The following SIPA1L3 variants were observed in gnomAD, a reference collection of about 807,000 sequenced individuals.
SIPA1L3 encodes signal induced proliferation associated 1 like 3.
In SIPA1L3, 59 loss-of-function variants were observed where a neutral mutation model predicts 150.1. That is an observed-to-expected ratio of 0.39 (90% CI 0.32 to 0.49). SIPA1L3 has a LOEUF of 0.49. Among genes scored for constraint, SIPA1L3 ranks in the 20% least tolerant of loss-of-function variants. The pLI is 0.86. For synonymous variants in SIPA1L3, 1,070 were observed against 1,077.6 expected (o/e 0.99, Z 0.14); for missense variants, 2,211 against 2,489.5 (o/e 0.89, Z 2.38).
At chr19:37,933,837 G>A (rs888968051) in intron 1 of SIPA1L3, among the ~76,000 whole-genome samples, 1 of 152,240 alleles carries the variant, frequency 6.6e-6, no homozygotes, top group African/African-American at 2.4e-5. Flanking sequence ...GAACAGGAAA[G>A]CTTGGCCTAG....
chr19:38,053,845 C>T (rs1254370547), intron 2 of SIPA1L3, among the ~76,000 whole-genome samples: 5 of 151,426 alleles, frequency 3.3e-5, no homozygotes, highest in African/African-American at 7.3e-5. Flanking sequence ...GGATTACAGG[C>T]GTGAGCCGCC....
chr19:38,022,963 A>AC (rs1305485782), intron 1 of SIPA1L3, among the ~76,000 whole-genome samples: 2 of 151,808 alleles, frequency 1.3e-5, no homozygotes, highest in Non-Finnish European at 2.9e-5. Flanking sequence ...TCCCATTTCC[A>AC]CCCCCACCCG....
chr19:38,182,625 G>A lies in SIPA1L3; in HGVS notation c.4315G>A (p.Ala1439Thr), dbSNP rs760062765. 20 of 1,614,018 alleles carry A rather than the reference G, an allele frequency of 1.2e-5. No homozygotes were observed. The highest frequency in any genetic ancestry group is 1.7e-4 in the Middle Eastern group (1 of 6,060). The stretch of plus-strand genomic sequence containing the variant: ...CCAGCCCAGCCCCTTTCAGCTCTCC[G>A]CCTCCGTCCCCAAGTCCTTCTTCTC... Reference protein sequence around the residue: ...LAQPSPFQLSASVPKSFFSKQ... With the variant: ...LAQPSPFQLSTSVPKSFFSKQ... The change falls in exon 16 of 22, where the codon GCC becomes ACC. Residue 1439 changes from alanine to threonine, a missense_variant. Physicochemically the swap from Ala to Thr is moderately conservative, Grantham distance 58. Transcript: ENST00000222345.
At chr19:38,176,538 A>G (rs1238951363) in intron 15 of SIPA1L3, among the ~76,000 whole-genome samples, 1 of 152,090 alleles carries the variant, frequency 6.6e-6, no homozygotes, top group Non-Finnish European at 1.5e-5. Flanking sequence ...CTGGGACTAC[A>G]GGCATATGCC....
intron 9 of SIPA1L3, among the ~76,000 whole-genome samples, chr19:38,121,894 C>T (rs1368763559): frequency 5.3e-5 from 8 of 151,150 alleles, no homozygotes; most frequent in African/African-American, 1.7e-4. Context: ...ACTCGAACCT[C>T]GGCAACAGAG....
At chr19:38,120,553 G>A (rs778002803) in intron 9 of SIPA1L3, among the ~76,000 whole-genome samples, 2 of 152,190 alleles carry the variant, frequency 1.3e-5, no homozygotes, top group Non-Finnish European at 2.9e-5. Context: ...ACCATTAATG[G>A]ATAGGGCAGA....
chr19:38,143,725 G>A (rs1971645439), intron 12 of SIPA1L3, among the ~76,000 whole-genome samples: 2 of 151,926 alleles, frequency 1.3e-5, no homozygotes, highest in South Asian at 4.2e-4. Flanking sequence ...TTTTAGTAGA[G>A]ACGGATTTTC....
intron 2 of SIPA1L3, among the ~76,000 whole-genome samples, chr19:38,075,492 C>T (rs1328590058): frequency 6.7e-6 from 1 of 149,896 alleles, no homozygotes; most frequent in African/African-American, 2.5e-5. Context: ...TTGAAAAGAA[C>T]TTGCAGGGGT....
chr19:38,154,763 ATT>A (rs372517508), intron 13 of SIPA1L3, among the ~76,000 whole-genome samples: 12 of 129,682 alleles, frequency 9.3e-5, no homozygotes, highest in Non-Finnish European at 1.0e-4. Context: ...TTTATTATTC[ATT>A]TTTTTTTTTT....
At chr19:38,156,351 G>T (rs1013595278) in intron 13 of SIPA1L3, among the ~76,000 whole-genome samples, 3 of 151,432 alleles carry the variant, frequency 2.0e-5, no homozygotes, top group African/African-American at 7.3e-5. Context: ...TGGGGAGGAA[G>T]TGTTTCCTGC....
At chr19:38,153,122 T>TA (rs1971865545) in intron 13 of SIPA1L3, among the ~76,000 whole-genome samples, 155 bp downstream of exon 13, 1 of 152,196 alleles carries the variant, frequency 6.6e-6, no homozygotes, top group South Asian at 2.1e-4. Flanking sequence ...AGAGGGCACC[T>TA]AGGAGAGCAG....
chr19:38,069,724 G>A (rs929860148), intron 2 of SIPA1L3, among the ~76,000 whole-genome samples: 5 of 151,904 alleles, frequency 3.3e-5, no homozygotes, highest in Non-Finnish European at 5.9e-5. Context: ...GAGTGCAGTG[G>A]TGCGATCTCG....
chr19:38,036,922 G>A (rs1319747945), intron 2 of SIPA1L3, among the ~76,000 whole-genome samples: 1 of 152,224 alleles, frequency 6.6e-6, no homozygotes, highest in South Asian at 2.1e-4. Context: ...CTTAGATGCC[G>A]AGGCCCAGAA....
chr19:38,071,211 AT>A (rs1334540701), intron 2 of SIPA1L3, among the ~76,000 whole-genome samples: 9 of 116,820 alleles, frequency 7.7e-5, no homozygotes, highest in African/African-American at 2.7e-4. Context: ...TTATCTATCT[AT>A]CTATCTATCT....
At chr19:38,146,306 T>C (rs553787909) in intron 12 of SIPA1L3, among the ~76,000 whole-genome samples, 3 of 152,236 alleles carry the variant, frequency 2.0e-5, no homozygotes, top group Admixed American at 1.3e-4. Context: ...TCACTCATTA[T>C]GCTGTTTATT....
chr19:38,135,425 G>A (rs1194007399), intron 10 of SIPA1L3, among the ~76,000 whole-genome samples: 1 of 152,208 alleles, frequency 6.6e-6, no homozygotes. Flanking sequence ...GCAGGGGCAA[G>A]TCAAGGCCAG....
chr19:38,071,374 T>A (rs1969720855), intron 2 of SIPA1L3, among the ~76,000 whole-genome samples: 1 of 152,040 alleles, frequency 6.6e-6, no homozygotes, highest in African/African-American at 2.4e-5. Flanking sequence ...GCCACCTCCC[T>A]CTCCCAGGTT....
intron 1 of SIPA1L3, among the ~76,000 whole-genome samples, chr19:37,984,048 A>G (rs1002503575): frequency 6.6e-6 from 1 of 152,104 alleles, no homozygotes; most frequent in Admixed American, 6.6e-5. Context: ...TTGTGGGAGA[A>G]GTTGGGAGAA....
chr19:38,150,204 AG>A (rs1971786892), intron 12 of SIPA1L3, among the ~76,000 whole-genome samples: 2 of 152,034 alleles, frequency 1.3e-5, no homozygotes, highest in Non-Finnish European at 2.9e-5. Flanking sequence ...CCTTTCCTGG[AG>A]GTGTCAGTGG....
Sources: gnomAD v4.1 joint callset for allele counts (sites outside exome capture counted in the v4.1 genomes callset) on GRCh38, gnomAD v4.1.1 for gene constraint, MANE v1.5 for transcripts, NCBI Gene and HGNC (gene_info 2026-07-23, HGNC 2026-07-21) for gene names.